KLHL15: variants seen among roughly 807,000 people sequenced by gnomAD.
KLHL15 encodes kelch like family member 15.
In KLHL15, 1 loss-of-function variant was observed where a neutral mutation model predicts 29.3. The observed-to-expected ratio is 0.03, with a 90% confidence interval of 0.01 to 0.16. The LOEUF (loss-of-function observed/expected upper bound fraction) is 0.16, where lower values mean the gene tolerates loss of function less well. Among genes scored for constraint, KLHL15 ranks in the 10% least tolerant of loss-of-function variants. The pLI, the probability that KLHL15 is intolerant of heterozygous loss-of-function variation, is 1.00. For synonymous variants in KLHL15, 212 were observed against 184.5 expected (o/e 1.15, Z -1.21); for missense variants, 215 against 478.5 (o/e 0.45, Z 5.14).
At position 24,002,014 on chromosome X, in the gene KLHL15, T is replaced by C. The variant is rs376640550; in HGVS notation, c.705+3975A>G. ...CGGGCGTGGTGGCGGGCGCCTGTAG[T>C]CCCAGCTACTCGGGAGGCTGAGGCA... On this transcript the variant is annotated intron_variant, in intron 3 of 3. Coordinates refer to ENST00000328046, the MANE Select transcript of KLHL15 (RefSeq NM_030624.3). Among the ~76,000 whole-genome samples, 152 of 107,335 alleles carry C rather than the reference T, an allele frequency of 1.4e-3. 3 individuals are homozygous for C. In the East Asian group the frequency reaches 0.033, roughly 23 times the overall value. The allele number at this position is 107,335 out of a possible 115,157, so 93.2% of individuals were successfully genotyped here.
intron 1 of KLHL15, among the ~76,000 whole-genome samples, chrX:24,025,388 GGGGCCGCTCCGGGCCGCGCGCCCCCTGC>G (rs1426289103): frequency 3.8e-5 from 4 of 106,256 alleles, no homozygotes; most frequent in Non-Finnish European, 7.9e-5. Flanking sequence ...CCACGAGCCG[GGGGCCGCTCCGGGCCGCGCGCCCCCTGC>G]GGGCCGCGGG....
chrX:24,022,163 C>T (rs1929819065), intron 2 of KLHL15, among the ~76,000 whole-genome samples: 1 of 109,013 alleles, frequency 9.2e-6, no homozygotes, highest in Non-Finnish European at 1.9e-5. Context: ...GGTGAAACCC[C>T]GTGTCTACTA....
intron 3 of KLHL15, among the ~76,000 whole-genome samples, chrX:24,002,114 CAG>C (rs1929338135): frequency 9.2e-6 from 1 of 108,261 alleles, no homozygotes. Context: ...GCCTGGGCAA[CAG>C]AGCGAGACTC....
chrX:24,021,828 A>T (rs1929810900), intron 2 of KLHL15, among the ~76,000 whole-genome samples: 1 of 102,914 alleles, frequency 9.7e-6, no homozygotes, highest in Admixed American at 1.0e-4. Flanking sequence ...CTCTTCAATA[A>T]AAAAAAAAAA....
intron 3 of KLHL15, among the ~76,000 whole-genome samples, chrX:23,994,784 A>AATATTAT (rs1929152212): frequency 1.8e-5 from 2 of 112,003 alleles, no homozygotes; most frequent in Non-Finnish European, 3.8e-5. Context: ...TCTTATTCTG[A>AATATTAT]ATATATCATA....
intron 1 of KLHL15, 97 bp from the exon 2 acceptor site, chrX:24,025,155 G>A (rs1221581332): frequency 1.0e-5 from 3 of 290,156 alleles, no homozygotes; most frequent in Admixed American, 1.2e-4. Context: ...GCCAACGCCG[G>A]GGGCCTCGCA....
At chrX:24,025,081 G>A (rs994889379) in intron 1 of KLHL15, 23 bp from the exon 2 acceptor site, 4 of 296,142 alleles carry the variant, frequency 1.4e-5, no homozygotes, top group African/African-American at 1.1e-4. Flanking sequence ...ACAGCGCTGA[G>A]TCGAGAAACC....
chrX:24,007,015 T>G (rs1470595886), intron 2 of KLHL15, among the ~76,000 whole-genome samples: 7 of 109,329 alleles, frequency 6.4e-5, no homozygotes, highest in Non-Finnish European at 1.1e-4. Context: ...AATCCCTGTC[T>G]CTACAAAATA....
chrX:23,998,607 C>T (rs755544879), intron 3 of KLHL15, among the ~76,000 whole-genome samples: 15 of 111,628 alleles, frequency 1.3e-4, no homozygotes, highest in African/African-American at 4.2e-4. Flanking sequence ...TTCTAGAATT[C>T]ACAACTTATG....
chrX:24,012,193 GT>G (rs36088823), intron 2 of KLHL15, among the ~76,000 whole-genome samples: 3 of 112,526 alleles, frequency 2.7e-5, no homozygotes, highest in African/African-American at 9.7e-5. Flanking sequence ...GTATCAGGTA[GT>G]TTTACTTTTA....
chrX:23,991,774 G>C (rs1249871163), intron 3 of KLHL15, among the ~76,000 whole-genome samples: 1 of 111,937 alleles, frequency 8.9e-6, no homozygotes, highest in African/African-American at 3.3e-5. Context: ...GGGAGGCGGA[G>C]GTTGCAGTGA....
intron 2 of KLHL15, among the ~76,000 whole-genome samples, chrX:24,019,660 C>G (rs1024586356): frequency 2.7e-5 from 3 of 111,351 alleles, no homozygotes; most frequent in African/African-American, 9.8e-5. Context: ...CACACACACA[C>G]ACACACGTGC....
intron 2 of KLHL15, among the ~76,000 whole-genome samples, chrX:24,022,871 A>C (rs1929842192): frequency 1.9e-5 from 2 of 107,687 alleles, no homozygotes; most frequent in African/African-American, 6.7e-5. Context: ...AGTAGCTGGG[A>C]TTACAGGCGC....
intron 3 of KLHL15, among the ~76,000 whole-genome samples, chrX:24,005,455 G>A (rs773765995): frequency 7.2e-5 from 8 of 111,802 alleles, no homozygotes; most frequent in Non-Finnish European, 1.3e-4. Context: ...GGGAAAACCA[G>A]AAGGTAAGAG....
chrX:23,994,408 T>C (rs1267088679), intron 3 of KLHL15, among the ~76,000 whole-genome samples: 1 of 112,579 alleles, frequency 8.9e-6, no homozygotes, highest in East Asian at 2.8e-4. Flanking sequence ...CAATCACCTA[T>C]CAATAAGACA....
At chrX:24,020,368 T>A (rs189497357) in intron 2 of KLHL15, among the ~76,000 whole-genome samples, 43 of 112,326 alleles carry the variant, frequency 3.8e-4, no homozygotes, top group African/African-American at 1.4e-3. Flanking sequence ...GAAAACTCAC[T>A]TTAATATGGG....
At chrX:24,019,016 A>G (rs1039458826) in intron 2 of KLHL15, among the ~76,000 whole-genome samples, 2 of 111,766 alleles carry the variant, frequency 1.8e-5, no homozygotes, top group African/African-American at 6.5e-5. Context: ...ATACATAAAT[A>G]AAGAATAGTT....
chrX:24,022,617 C>A (rs1162028316), intron 2 of KLHL15, among the ~76,000 whole-genome samples: 1 of 95,864 alleles, frequency 1.0e-5, no homozygotes, highest in Non-Finnish European at 2.0e-5. Context: ...CCAGCCTGGG[C>A]GACAGAACAA....
Position 24,020,579 on chromosome X carries a change from T to C in KLHL15, c.-8+4278A>G, listed in dbSNP as rs368494989. ...TGTTTAGCATTTCGTCATCCTATAA[T>C]ACAAGAAGCCTTATAAGAAAAAAAA... On this transcript the variant is annotated intron_variant, in intron 2 of 3. Coordinates refer to ENST00000328046, the MANE Select transcript of KLHL15 (RefSeq NM_030624.3). 1.2e-4 allele frequency among the ~76,000 whole-genome samples: 13 copies of C among 111,370 alleles called. No homozygotes were observed. In the East Asian group the frequency reaches 3.3e-3, roughly 29 times the overall value.
Sources: allele counts gnomAD v4.1 joint callset (sites outside exome capture counted in the v4.1 genomes callset), GRCh38; gene constraint gnomAD v4.1.1; transcripts MANE v1.5; gene names NCBI Gene and HGNC (gene_info 2026-07-23, HGNC 2026-07-21).